ZZEF1: variants seen among roughly 807,000 people sequenced by gnomAD.
ZZEF1 encodes the protein zinc finger ZZ-type and EF-hand domain-containing protein 1.
In ZZEF1, 157 loss-of-function variants were observed where a neutral mutation model predicts 342.8. That is an observed-to-expected ratio of 0.46 (90% CI 0.40 to 0.52). The LOEUF (loss-of-function observed/expected upper bound fraction) is 0.52, where lower values mean the gene tolerates loss of function less well. Among genes scored for constraint, ZZEF1 ranks in the 20% least tolerant of loss-of-function variants. ZZEF1 has a pLI of 0.00. For synonymous variants in ZZEF1, 1,505 were observed against 1,429.1 expected, an observed-to-expected ratio of 1.05 and a Z score of -1.20; for missense variants, 3,480 against 3,725.6, an observed-to-expected ratio of 0.93 and a Z score of 1.72.
chr17:4,060,584 A>C lies in ZZEF1; in HGVS notation c.4884-1294T>G, dbSNP rs1050308814. Among the ~76,000 whole-genome samples the C allele has an allele frequency of 5.2e-5, 7 of 133,718 alleles. No individual in the cohort carries two copies. The East Asian group carries it at 1.1e-3, about 20-fold the overall frequency. The allele number at this position is 133,718 out of a possible 152,430, so 87.7% of individuals were successfully genotyped here. A position where few individuals can be genotyped will look rare whatever the true frequency, so the allele number is the denominator to read the frequency against. ...AAACAAACAACAACAACAACAACAA[A>C]AAACAAACAAAAAAAACACTCAACC... is the stretch of plus-strand genomic sequence containing the variant. On this transcript the variant is annotated intron_variant, in intron 30 of 54. Transcript: ENST00000381638.
intron 1 of ZZEF1, among the ~76,000 whole-genome samples, chr17:4,133,586 C>G (rs971959356): frequency 2.0e-5 from 3 of 152,202 alleles, no homozygotes; most frequent in Admixed American, 2.0e-4. Context: ...AGGTAGCACT[C>G]AAGTCCCACT....
chr17:4,050,699 A>G, intron 36 of ZZEF1, 82 bp downstream of exon 36: 1 of 1,589,644 alleles, frequency 6.3e-7, no homozygotes, highest in African/African-American at 1.3e-5. Flanking sequence ...CTGTAAACTA[A>G]GCTTAGTATT....
At chr17:4,026,875 A>C (rs532706608) in intron 42 of ZZEF1, among the ~76,000 whole-genome samples, 1 of 152,234 alleles carries the variant, frequency 6.6e-6, no homozygotes, top group South Asian at 2.1e-4. Flanking sequence ...CTCAGCTTAG[A>C]ATTTTTTACC....
chr17:4,127,218 G>T (rs908242097), intron 1 of ZZEF1, among the ~76,000 whole-genome samples: 1 of 151,954 alleles, frequency 6.6e-6, no homozygotes, highest in Non-Finnish European at 1.5e-5. Context: ...TGCCTAGGCT[G>T]GTCTCAAACT....
intron 25 of ZZEF1, among the ~76,000 whole-genome samples, chr17:4,071,916 G>T (rs978116948): frequency 6.6e-6 from 1 of 152,140 alleles, no homozygotes; most frequent in East Asian, 1.9e-4. Flanking sequence ...GGGCTGTGGG[G>T]AAGGGAAGAA....
At position 4,052,835 on chromosome 17, in the gene ZZEF1, C is replaced by G. The variant is rs1403428486; in HGVS notation, c.5435-699G>C. Among the ~76,000 whole-genome samples, 6 of 147,620 alleles carry G rather than the reference C, an allele frequency of 4.1e-5. No homozygotes were observed. In the East Asian group the frequency reaches 1.2e-3, roughly 29 times the overall value. On this transcript the variant is annotated intron_variant, in intron 34 of 54. Coordinates refer to ENST00000381638, the MANE Select transcript of ZZEF1 (RefSeq NM_015113.4). The stretch of plus-strand genomic sequence containing the variant: ...TGAGCTGAGATGGTGCCACTGTACT[C>G]TAGCCTGAGGGACAGAGTGAGACTT...
rs1308932090 is a variant in ZZEF1 at position 4,104,673 on chromosome 17, C to G, written c.1533G>C (p.Leu511Phe). 6.2e-7 allele frequency: 1 copy of G among 1,614,050 alleles called. No individual in the cohort carries two copies. Among genetic ancestry groups the G allele is most frequent in the Non-Finnish European group, 8.5e-7 (1 of 1,179,982 alleles). The change falls in exon 8 of 55, where the codon TTG (leucine) becomes TTC (phenylalanine). Residue 511 changes from leucine to phenylalanine, a missense_variant. By Grantham distance (22) the Leu-to-Phe change is conservative (BLOSUM62 0). Around this residue, in one of 5 missense-constraint regions of ZZEF1, gnomAD observed 1,528 missense variants for 1,624.1 expected, o/e 0.94. Coordinates refer to ENST00000381638, the MANE Select transcript of ZZEF1 (RefSeq NM_015113.4). ...DTQYDASSLI[L>F]SMASVRQNLL... ...GGTTCTGTCTGACTGACGCCATGGA[C>G]AAGATGAGGGATGAGGCATCATACT...
intron 4 of ZZEF1, 42 bp from the exon 5 acceptor site, chr17:4,112,850 G>A: frequency 6.8e-7 from 1 of 1,477,192 alleles, no homozygotes; most frequent in South Asian, 1.4e-5. Context: ...GTTTATAGGA[G>A]TCAAGAACTG....
chr17:4,094,254 G>A (rs912014791), intron 11 of ZZEF1, among the ~76,000 whole-genome samples: 3 of 152,026 alleles, frequency 2.0e-5, no homozygotes, highest in Non-Finnish European at 4.4e-5. Flanking sequence ...GGATCCTCCC[G>A]CCTCAGTCTT....
At chr17:4,079,780 G>C (rs1226515747) in intron 18 of ZZEF1, among the ~76,000 whole-genome samples, 2 of 152,180 alleles carry the variant, frequency 1.3e-5, no homozygotes. Flanking sequence ...TATCATGCCA[G>C]GCAGCTGGGA....
At position 4,081,551 on chromosome 17, in the gene ZZEF1, TAA is replaced by T. The variant is rs533785660; in HGVS notation, c.2715-63_2715-62del. The T allele has an allele frequency of 1.8e-4, 249 of 1,388,058 alleles. 1 individual carries two copies. In the African/African-American group the frequency reaches 3.1e-3, roughly 17 times the overall value. The allele number at this position is 1,388,058 out of a possible 1,614,324, so 86.0% of individuals were successfully genotyped here. Reference sequence around the variant, plus strand: ...CAGGAGAAAGATTTTTATACTATTTTAAAAGATTCCAAAACAGAGCGCAGAAA... The same window carrying T: ...CAGGAGAAAGATTTTTATACTATTTTAAGATTCCAAAACAGAGCGCAGAAA... On this transcript the variant is annotated intron_variant, in intron 17 of 54. Transcript: ENST00000381638.
chr17:4,085,835 T>C (rs781779717), intron 15 of ZZEF1, 32 bp from the exon 16 acceptor site: 1 of 1,611,620 alleles, frequency 6.2e-7, no homozygotes, highest in Non-Finnish European at 8.5e-7. Context: ...TCAGCTTTCA[T>C]ATATTCCATC....
Position 4,054,136 on chromosome 17 carries a change from C to T in ZZEF1, c.5355G>A (p.Gly1785=). The change falls in exon 34 of 55, where the codon GGG becomes GGA. Residue 1785 remains glycine, a synonymous_variant. Coordinates refer to ENST00000381638, the MANE Select transcript of ZZEF1 (RefSeq NM_015113.4). ...GATGCCAGGGGGCAATCTCATCACA[C>T]CCATCACAAGAGATGTCCACATTTA... ...DLLNVDISCD[G]CDEIAPWHRY... The T allele has an allele frequency of 6.2e-7, 1 of 1,613,982 alleles. No homozygotes were observed. Among genetic ancestry groups the T allele is most frequent in the East Asian group, 2.2e-5 (1 of 44,890 alleles).
chr17:4,068,182 TTCATAAA>T, intron 26 of ZZEF1, among the ~76,000 whole-genome samples: 2 of 152,074 alleles, frequency 1.3e-5, no homozygotes, highest in South Asian at 4.1e-4. Flanking sequence ...TAGAAAAACA[TTCATAAA>T]GGTTCTAAGT....
chr17:4,111,445 G>A (rs1274913224), intron 5 of ZZEF1, among the ~76,000 whole-genome samples: 1 of 152,072 alleles, frequency 6.6e-6, no homozygotes, highest in East Asian at 1.9e-4. Flanking sequence ...GGATCATGAG[G>A]TCAGTAGTTC....
chr17:4,055,230 A>G (rs1273336227), intron 33 of ZZEF1, among the ~76,000 whole-genome samples: 1 of 152,216 alleles, frequency 6.6e-6, no homozygotes. Flanking sequence ...AAGTCACCTT[A>G]CAACTACAGA....
chr17:4,017,617 G>C lies in ZZEF1; in HGVS notation c.7755C>G (p.Ser2585Arg). Reference sequence around the variant, plus strand: ...CCTTGTGCAGGAGGGCGGCGCTCTTGCTACGGCGCTGCTTGGCATAGCTCT... The same window carrying C: ...CCTTGTGCAGGAGGGCGGCGCTCTTCCTACGGCGCTGCTTGGCATAGCTCT... ...LQQSYAKQRR[S>R]KSAALLHKEL... Residue 2585 changes from serine (S) to arginine (R), a missense_variant, in exon 48 of 55, where the codon AGC (serine) becomes AGG (arginine). By Grantham distance (110) the Ser-to-Arg change is moderately radical. This residue lies in a region of ZZEF1 where 1,269 missense variants were observed against 1,342.4 expected (regional missense o/e 0.95). Coordinates refer to ENST00000381638, the MANE Select transcript of ZZEF1 (RefSeq NM_015113.4). The surrounding 1 kb of genome is among the most constrained non-coding windows in gnomAD (Gnocchi z 5.1). The C allele has an allele frequency of 6.2e-7, 1 of 1,614,214 alleles. No homozygotes were observed. The highest frequency in any genetic ancestry group is 8.5e-7 in the Non-Finnish European group (1 of 1,180,040).
intron 6 of ZZEF1, among the ~76,000 whole-genome samples, chr17:4,107,153 AT>A (rs1377839556): frequency 6.6e-6 from 1 of 152,138 alleles, no homozygotes; most frequent in Non-Finnish European, 1.5e-5. Flanking sequence ...CCTCATTGAT[AT>A]TTTTTCAATA....
At chr17:4,028,985 A>G (rs780632612) in intron 42 of ZZEF1, among the ~76,000 whole-genome samples, 35 of 152,258 alleles carry the variant, frequency 2.3e-4, no homozygotes, top group African/African-American at 4.3e-4. Flanking sequence ...GGGACATTTC[A>G]TAAGAAAAAG....
Sources: allele counts gnomAD v4.1 joint callset (sites outside exome capture counted in the v4.1 genomes callset), GRCh38; gene constraint gnomAD v4.1.1; regional missense constraint gnomAD v4.1.1; non-coding constraint Gnocchi (gnomAD v3.1); transcripts MANE v1.5; gene names NCBI Gene and HGNC (gene_info 2026-07-23, HGNC 2026-07-21).